CDH6: variants seen among roughly 807,000 people sequenced by gnomAD.
CDH6 encodes the protein cadherin 6.
In CDH6, 31 loss-of-function variants were observed where a neutral mutation model predicts 78.0. The ratio of observed to expected loss-of-function variants is 0.40; its 90% confidence interval spans 0.30 to 0.54. The LOEUF (loss-of-function observed/expected upper bound fraction) is 0.54, where lower values mean the gene tolerates loss of function less well. CDH6 is among the 20% of genes least tolerant of loss of function. CDH6 has a pLI of 0.56. For synonymous variants in CDH6, 376 were observed against 368.8 expected, an observed-to-expected ratio of 1.02 and a Z score of -0.23; for missense variants, 724 against 975.9, an observed-to-expected ratio of 0.74 and a Z score of 3.44.
intron 1 of CDH6, among the ~76,000 whole-genome samples, chr5:31,197,169 T>C (rs1740192228): frequency 6.6e-6 from 1 of 152,182 alleles, no homozygotes; most frequent in African/African-American, 2.4e-5. Context: ...GTTTCATTTC[T>C]TTCCTTGATG....
chr5:31,210,993 AGGGTTAC>A (rs1426634078), intron 1 of CDH6, among the ~76,000 whole-genome samples: 1 of 152,154 alleles, frequency 6.6e-6, no homozygotes, highest in African/African-American at 2.4e-5. Context: ...CTGTTCAATG[AGGGTTAC>A]CTGCAAAATG....
intron 2 of CDH6, among the ~76,000 whole-genome samples, chr5:31,287,966 C>T (rs984744367): frequency 3.9e-5 from 6 of 152,150 alleles, no homozygotes; most frequent in Non-Finnish European, 5.9e-5. Context: ...ACAGGCTGGT[C>T]GGATATGAGG....
intron 7 of CDH6, among the ~76,000 whole-genome samples, chr5:31,308,947 C>T (rs1738072087): frequency 6.6e-6 from 1 of 152,004 alleles, no homozygotes; most frequent in Admixed American, 6.5e-5. Context: ...TATTAAATTT[C>T]TTATGAAGTC....
At position 31,218,547 on chromosome 5, in the gene CDH6, C is replaced by T. The variant is rs1443092868; in HGVS notation, c.-129+24661C>T. 2.0e-5 allele frequency among the ~76,000 whole-genome samples: 3 copies of T among 152,242 alleles called. No individual in the cohort carries two copies. The East Asian group carries it at 5.8e-4, about 29-fold the overall frequency. ...GTTCTTGCTATCTTCCCCCATTCTA[C>T]CCAAGCCCAGGGTAAGCTCTGGGTT... On this transcript the variant is annotated intron_variant, in intron 1 of 11. Transcript: ENST00000265071.
chr5:31,281,855 T>A (rs963919484), intron 2 of CDH6, among the ~76,000 whole-genome samples: 2 of 152,148 alleles, frequency 1.3e-5, no homozygotes, highest in African/African-American at 4.8e-5. Context: ...GGCCTTGGTA[T>A]CCTTTCTGGC....
At chr5:31,226,332 G>C (rs190056280) in intron 1 of CDH6, among the ~76,000 whole-genome samples, 2 of 151,912 alleles carry the variant, frequency 1.3e-5, no homozygotes, top group Non-Finnish European at 2.9e-5. Context: ...CCACCACCAC[G>C]CCCAGCTAAT....
chr5:31,213,159 T>C (rs764933794), intron 1 of CDH6, among the ~76,000 whole-genome samples: 1 of 152,196 alleles, frequency 6.6e-6, no homozygotes, highest in Non-Finnish European at 1.5e-5. Context: ...GCTACACCGC[T>C]GGCTAGATAA....
chr5:31,307,533 A>G (rs998992900), intron 7 of CDH6, among the ~76,000 whole-genome samples: 4 of 152,214 alleles, frequency 2.6e-5, no homozygotes, highest in Admixed American at 6.5e-5. Context: ...GTGTTTCTCC[A>G]CATACATTTA....
chr5:31,275,159 A>G (rs2149937442), intron 2 of CDH6, among the ~76,000 whole-genome samples: 1 of 152,338 alleles, frequency 6.6e-6, no homozygotes, highest in African/African-American at 2.4e-5. Context: ...CCAACATCCT[A>G]GTTTACATTT....
chr5:31,253,950 C>G (rs535897785), intron 1 of CDH6, among the ~76,000 whole-genome samples: 2 of 152,128 alleles, frequency 1.3e-5, no homozygotes, highest in African/African-American at 4.8e-5. Context: ...GTTTCTCTTT[C>G]CATGGCTTCA....
intron 1 of CDH6, among the ~76,000 whole-genome samples, chr5:31,232,510 C>G (rs1741340741): frequency 6.6e-6 from 1 of 152,176 alleles, no homozygotes; most frequent in East Asian, 1.9e-4. Context: ...CCCTTAATCT[C>G]TACAAAACGT....
At chr5:31,315,057 G>T (rs539406534) in intron 8 of CDH6, among the ~76,000 whole-genome samples, 2 of 152,028 alleles carry the variant, frequency 1.3e-5, no homozygotes, top group African/African-American at 4.8e-5. Flanking sequence ...CTGATTCCTC[G>T]ACCTGAAGAG....
chr5:31,224,656 T>C (rs1307738695), intron 1 of CDH6, among the ~76,000 whole-genome samples: 2 of 152,100 alleles, frequency 1.3e-5, no homozygotes, highest in East Asian at 3.9e-4. Flanking sequence ...TAAGCTCAAG[T>C]GATCCTCCCA....
chr5:31,269,055 C>A (rs965525675), intron 2 of CDH6, among the ~76,000 whole-genome samples: 2 of 152,158 alleles, frequency 1.3e-5, no homozygotes, highest in Non-Finnish European at 2.9e-5. Flanking sequence ...TTTGTGAAAT[C>A]TGAAGAACTC....
At chr5:31,233,572 A>G (rs1255850285) in intron 1 of CDH6, among the ~76,000 whole-genome samples, 1 of 151,946 alleles carries the variant, frequency 6.6e-6, no homozygotes, top group African/African-American at 2.4e-5. Flanking sequence ...ATTGCTTATC[A>G]TTACTCATTA....
intron 2 of CDH6, among the ~76,000 whole-genome samples, chr5:31,276,410 C>T: frequency 6.6e-6 from 1 of 151,270 alleles, no homozygotes; most frequent in East Asian, 1.9e-4. Context: ...TATATATGCT[C>T]AAAAAAGAGA....
chr5:31,197,412 G>A (rs114864900), intron 1 of CDH6, among the ~76,000 whole-genome samples: 12 of 152,064 alleles, frequency 7.9e-5, no homozygotes, highest in Admixed American at 2.0e-4. Flanking sequence ...TTTGGTGTCC[G>A]TCAGAATTAG....
intron 8 of CDH6, among the ~76,000 whole-genome samples, 187 bp downstream of exon 8, chr5:31,313,641 G>C (rs1327095361): frequency 1.3e-5 from 2 of 152,250 alleles, no homozygotes; most frequent in Middle Eastern, 3.4e-3. Flanking sequence ...TAAATGGAGA[G>C]GCAACCATGG....
chr5:31,265,970 G>A (rs1742339130), intron 1 of CDH6, among the ~76,000 whole-genome samples: 1 of 151,584 alleles, frequency 6.6e-6, no homozygotes, highest in East Asian at 1.9e-4. Context: ...TAGAGACGGG[G>A]TTTCATTATG....
Sources: allele counts gnomAD v4.1 joint callset (sites outside exome capture counted in the v4.1 genomes callset), GRCh38; gene constraint gnomAD v4.1.1; transcripts MANE v1.5; gene names NCBI Gene and HGNC (gene_info 2026-07-23, HGNC 2026-07-21).